The following CD1A variants were observed in gnomAD, a reference collection of about 807,000 sequenced individuals.
CD1A encodes the protein T-cell surface glycoprotein CD1a.
Under a neutral mutation model 38.3 loss-of-function variants are expected in CD1A, and 50 were observed. That is an observed-to-expected ratio of 1.30 (90% CI 1.04 to 1.65). CD1A has a LOEUF of 1.65. Among genes scored for constraint, CD1A ranks in the 40% most tolerant of loss-of-function variants. The probability of loss-of-function intolerance (pLI) is 0.00; values close to 1 mark genes in which losing one functional copy is unlikely to be tolerated. For synonymous variants in CD1A, 160 were observed against 150.8 expected, an observed-to-expected ratio of 1.06 and a Z score of -0.45; for missense variants, 459 against 406.1, an observed-to-expected ratio of 1.13 and a Z score of -1.12.
rs1650275697 is a variant in CD1A at position 158,256,919 on chromosome 1, C to T, written c.738C>T (p.Gly246=). 2.5e-6 allele frequency: 4 copies of T among 1,614,190 alleles called. No homozygotes were observed. The highest frequency in any genetic ancestry group is 2.5e-6 in the Non-Finnish European group (3 of 1,180,034). The change falls in exon 4 of 6, where the codon GGC becomes GGT. Residue 246 remains glycine (G), a synonymous_variant. Transcript: ENST00000289429. ...TGCGGGGTGAGCAGGAGCAGCAGGG[C>T]ACTCAGCGAGGGGACATCTTGCCCA... ...MWMRGEQEQQ[G]TQRGDILPSA...
At position 158,254,500 on chromosome 1, in the gene CD1A, T is replaced by G; in HGVS notation, c.-170T>G. 1 of 1,453,036 alleles carries G rather than the reference T, an allele frequency of 6.9e-7. No homozygotes were observed. 90.0% of individuals were successfully genotyped at this position (1,453,036 alleles called of 1,614,324 possible). On this transcript the variant is annotated 5_prime_UTR_variant, in exon 1 of 6. Coordinates refer to ENST00000289429, the MANE Select transcript of CD1A (RefSeq NM_001763.3). ...AACCAGAGGGAAATGAGAGACTGAGTAGGCATCTCAGGGTTTTTGAAGGAG... is the reference window on the plus strand; with the variant it reads ...AACCAGAGGGAAATGAGAGACTGAGGAGGCATCTCAGGGTTTTTGAAGGAG...
rs373354671 is a variant in CD1A at position 158,256,951 on chromosome 1, A to T, written c.770A>T (p.Asp257Val). ...CGAGGGGACATCTTGCCCAGTGCTG[A>T]TGGGACATGGTATCTCCGCGCAACC... ...TQRGDILPSA[D>V]GTWYLRATLE... The change falls in exon 4 of 6, where the codon GAT becomes GTT. Residue 257 changes from aspartate to valine, a missense_variant. Asp to Val is a radical substitution (Grantham distance 152). Coordinates refer to ENST00000289429, the MANE Select transcript of CD1A (RefSeq NM_001763.3). The T allele has an allele frequency of 4.2e-5, 68 of 1,614,048 alleles. No individual in the cohort carries two copies. The highest frequency in any genetic ancestry group is 1.2e-4 in the African/African-American group (9 of 74,916).
chr1:158,249,413 A>G, the CD1A span, among the ~76,000 whole-genome samples: 3 of 152,114 alleles, frequency 2.0e-5, no homozygotes, highest in East Asian at 1.9e-4. Context: ...GTGTCCTTAC[A>G]TGGTGGAAGG....
At position 158,255,355 on chromosome 1, in the gene CD1A, G is replaced by A; in HGVS notation, c.325+5G>A. 1 of 1,612,662 alleles carries A rather than the reference G, an allele frequency of 6.2e-7. No homozygotes were observed. The highest frequency in any genetic ancestry group is 8.5e-7 in the Non-Finnish European group (1 of 1,178,764). Reference sequence around the variant, plus strand: ...CCCATGAATTGCAGTTTGAATGTGAGTTCAGTTTTCTCCATGGAGAGTGGT... The same window carrying A: ...CCCATGAATTGCAGTTTGAATGTGAATTCAGTTTTCTCCATGGAGAGTGGT... On this transcript the variant is annotated splice_donor_5th_base_variant and intron_variant, in intron 2 of 5. Coordinates refer to ENST00000289429, the MANE Select transcript of CD1A (RefSeq NM_001763.3).
Position 158,255,357 on chromosome 1 carries a change from T to C in CD1A, c.325+7T>C. The C allele has an allele frequency of 1.2e-6, 2 of 1,612,626 alleles. No homozygotes were observed. The highest frequency in any genetic ancestry group is 1.7e-6 in the Non-Finnish European group (2 of 1,178,750). Reference sequence around the variant, plus strand: ...CATGAATTGCAGTTTGAATGTGAGTTCAGTTTTCTCCATGGAGAGTGGTGA... The same window carrying C: ...CATGAATTGCAGTTTGAATGTGAGTCCAGTTTTCTCCATGGAGAGTGGTGA... On this transcript the variant is annotated splice_region_variant and intron_variant, in intron 2 of 5. Coordinates refer to ENST00000289429, the MANE Select transcript of CD1A (RefSeq NM_001763.3).
At position 158,254,470 on chromosome 1, in the gene CD1A, G is replaced by A; in HGVS notation, c.-200G>A. Reference sequence around the variant, plus strand: ...GAGAGAAGCTGGAACAGAGAGGAGAGTCAGAACCAGAGGGAAATGAGAGAC... The same window carrying A: ...GAGAGAAGCTGGAACAGAGAGGAGAATCAGAACCAGAGGGAAATGAGAGAC... On this transcript the variant is annotated 5_prime_UTR_variant, in exon 1 of 6. Transcript: ENST00000289429. 2 of 1,412,318 alleles carry A rather than the reference G, an allele frequency of 1.4e-6. No homozygotes were observed. The highest frequency in any genetic ancestry group is 1.8e-6 in the Non-Finnish European group (2 of 1,083,778). 87.5% of individuals were successfully genotyped at this position (1,412,318 alleles called of 1,614,324 possible).
At chr1:158,251,290 A>C (rs986839446), upstream of CD1A, among the ~76,000 whole-genome samples, 1 of 152,230 alleles carries the variant, frequency 6.6e-6, no homozygotes, top group Admixed American at 6.5e-5. Context: ...CAGAGTCAGA[A>C]GAAAATCCAC....
chr1:158,254,762 G>C, intron 1 of CD1A, 35 bp downstream of exon 1: 2 of 1,385,022 alleles, frequency 1.4e-6, no homozygotes, highest in Non-Finnish European at 1.0e-6. Flanking sequence ...TTGGGTGGTG[G>C]GTGAAGGTCT....
At position 158,255,306 on chromosome 1, in the gene CD1A, C is replaced by A. The variant is rs538916791; in HGVS notation, c.281C>A (p.Ser94Ter). Residue 94 changes from serine (S) to a stop codon, truncating the protein, a stop_gained, in exon 2 of 6, where the codon TCA (serine) becomes TAA (stop). Coordinates refer to ENST00000289429, the MANE Select transcript of CD1A (RefSeq NM_001763.3). LOFTEE classifies it high-confidence loss of function. ...ETLFRIRTIR[S>*]FEGIRRYAHE... ...TTATTCCGTATACGCACCATTCGGT[C>A]ATTTGAGGGAATTCGTAGATACGCC... The A allele has an allele frequency of 2.5e-6, 4 of 1,614,074 alleles. No homozygotes were observed. Among genetic ancestry groups the A allele is most frequent in the East Asian group, 4.5e-5 (2 of 44,866 alleles).
Position 158,256,217 on chromosome 1 carries a change from G to C in CD1A, c.539G>C (p.Ser180Thr). The change falls in exon 3 of 6, where the codon AGT becomes ACT. Residue 180 changes from serine (S) to threonine (T), a missense_variant. Physicochemically the swap from Ser to Thr is moderately conservative, Grantham distance 58. Coordinates refer to ENST00000289429, the MANE Select transcript of CD1A (RefSeq NM_001763.3). The part of the protein sequence containing the change: ...HENDITHNLL[S>T]DTCPRFILGL... ...AATGACATAACACACAATCTTCTCAGTGACACCTGCCCACGTTTCATCTTG... is the reference window on the plus strand; with the variant it reads ...AATGACATAACACACAATCTTCTCACTGACACCTGCCCACGTTTCATCTTG... 1.9e-6 allele frequency: 3 copies of C among 1,614,136 alleles called. No homozygotes were observed. The highest frequency in any genetic ancestry group is 2.5e-6 in the Non-Finnish European group (3 of 1,180,014).
upstream of CD1A, chr1:158,254,128 T>G: frequency 1.1e-6 from 1 of 917,054 alleles, no homozygotes; most frequent in Non-Finnish European, 1.3e-6. Context: ...TAGTTTGTAC[T>G]GTCGCACAGG....
upstream of CD1A, among the ~76,000 whole-genome samples, chr1:158,250,785 C>T (rs858998): frequency 0.58 from 87,698 of 152,022 alleles, 27,411 homozygotes; most frequent in Non-Finnish European, 0.71. Flanking sequence ...GTCTGCCGTC[C>T]CTGCAGCTCT....
At chr1:158,254,801 GTGTGTGTGTGTGTGTGT>G in intron 1 of CD1A, 74 bp downstream of exon 1, 1 of 721,056 alleles carries the variant, frequency 1.4e-6, no homozygotes, top group Non-Finnish European at 2.5e-6. Flanking sequence ...GTGTGTGTGT[GTGTGTGTGTGTGTGTGT>G]GTGTGTGTGT....
In CD1A at chr1:158,254,544, G is replaced by T. The variant is rs946430739; in HGVS notation, c.-126G>T. ...GAAGGAGTGGATTTTCTTTGTTGCAGTCAGGGGAGGTTTGTCTGTTGGCTG... is the reference window on the plus strand; with the variant it reads ...GAAGGAGTGGATTTTCTTTGTTGCATTCAGGGGAGGTTTGTCTGTTGGCTG... On this transcript the variant is annotated 5_prime_UTR_variant, in exon 1 of 6. Coordinates refer to ENST00000289429, the MANE Select transcript of CD1A (RefSeq NM_001763.3). 9 of 1,548,686 alleles carry T rather than the reference G, an allele frequency of 5.8e-6. No individual in the cohort carries two copies. The highest frequency in any genetic ancestry group is 7.8e-6 in the Non-Finnish European group (9 of 1,149,460).
At chr1:158,253,949 A>G (rs1650150206), upstream of CD1A, among the ~76,000 whole-genome samples, 1 of 150,906 alleles carries the variant, frequency 6.6e-6, no homozygotes, top group Non-Finnish European at 1.5e-5. Context: ...GCAGGTGCTA[A>G]GAGAGACTGT....
chr1:158,256,828 C>T lies in CD1A; in HGVS notation c.647C>T (p.Pro216Leu). The change falls in exon 4 of 6, where the codon CCT (proline) becomes CTT (leucine). Residue 216 changes from proline (P) to leucine (L), a missense_variant. Coordinates refer to ENST00000289429, the MANE Select transcript of CD1A (RefSeq NM_001763.3). Reference sequence around the variant, plus strand: ...CTGTCCCATGGCCCCAGTCCTGGCCCTGGCCATCTGCAGCTTGTGTGCCAT... The same window carrying T: ...CTGTCCCATGGCCCCAGTCCTGGCCTTGGCCATCTGCAGCTTGTGTGCCAT... ...AWLSHGPSPG[P>L]GHLQLVCHVS... The T allele has an allele frequency of 6.2e-7, 1 of 1,614,240 alleles. No individual in the cohort carries two copies. The highest frequency in any genetic ancestry group is 1.1e-5 in the South Asian group (1 of 91,086).
In CD1A at chr1:158,255,310, T is replaced by G. The variant is rs1262699960; in HGVS notation, c.285T>G (p.Phe95Leu). 1 of 1,614,176 alleles carries G rather than the reference T, an allele frequency of 6.2e-7. No individual in the cohort carries two copies. The highest frequency in any genetic ancestry group is 1.7e-5 in the Admixed American group (1 of 60,026). The part of the protein sequence containing the change: ...TLFRIRTIRS[F>L]EGIRRYAHEL... ...TCCGTATACGCACCATTCGGTCATT[T>G]GAGGGAATTCGTAGATACGCCCATG... Residue 95 changes from phenylalanine (F) to leucine (L), a missense_variant, in exon 2 of 6, where the codon TTT becomes TTG. Physicochemically the swap from Phe to Leu is conservative, Grantham distance 22. Transcript: ENST00000289429.
At chr1:158,250,431 G>C (rs529400387), upstream of CD1A, among the ~76,000 whole-genome samples, 15 of 152,340 alleles carry the variant, frequency 9.8e-5, no homozygotes, top group African/African-American at 3.6e-4. Flanking sequence ...CTATGATGCT[G>C]CATTGGTTGC....
At chr1:158,251,883 A>C (rs1252686277), upstream of CD1A, among the ~76,000 whole-genome samples, 3 of 151,330 alleles carry the variant, frequency 2.0e-5, no homozygotes, top group African/African-American at 7.3e-5. Context: ...TTTAGATGGA[A>C]TATTGCTCTG....
Sources: allele counts gnomAD v4.1 joint callset (sites outside exome capture counted in the v4.1 genomes callset), GRCh38; gene constraint gnomAD v4.1.1; transcripts MANE v1.5; gene names NCBI Gene and HGNC (gene_info 2026-07-23, HGNC 2026-07-21).